The following MGAT4C variants were observed in gnomAD, a reference collection of about 807,000 sequenced individuals.
The protein encoded by MGAT4C is MGAT4 family member C.
MGAT4C carries 19 observed loss-of-function variants against 40.1 expected under a neutral mutation model. That is an observed-to-expected ratio of 0.47 (90% CI 0.33 to 0.70). The LOEUF is 0.70. MGAT4C is among the 30% of genes least tolerant of loss of function. The pLI is 0.02. For synonymous variants in MGAT4C, 181 were observed against 187.1 expected, an observed-to-expected ratio of 0.97 and a Z score of 0.27; for missense variants, 491 against 563.2, an observed-to-expected ratio of 0.87 and a Z score of 1.30.
At chr12:86,224,516 C>A (rs796413829) in intron 1 of MGAT4C, among the ~76,000 whole-genome samples, 2 of 152,104 alleles carry the variant, frequency 1.3e-5, no homozygotes, top group Admixed American at 1.3e-4. Context: ...TTAATCAGCA[C>A]GTGTAGCATT....
chr12:86,533,971 A>G (rs1462860719), intron 2 of MGAT4C, among the ~76,000 whole-genome samples: 1 of 152,124 alleles, frequency 6.6e-6, no homozygotes, highest in Non-Finnish European at 1.5e-5. Context: ...CTTGAATAGT[A>G]TCTCATGACA....
chr12:86,074,404 C>A (rs1869252870), intron 1 of MGAT4C, among the ~76,000 whole-genome samples: 1 of 151,976 alleles, frequency 6.6e-6, no homozygotes, highest in Non-Finnish European at 1.5e-5. Context: ...CTCTAGAGAA[C>A]CCTGACTAAT....
At chr12:86,720,680 G>A (rs1213993525) in intron 2 of MGAT4C, among the ~76,000 whole-genome samples, 1 of 152,088 alleles carries the variant, frequency 6.6e-6, no homozygotes, top group East Asian at 1.9e-4. Context: ...TACAGGACAT[G>A]ATTTACGACC....
At chr12:86,621,488 G>A (rs1056021361) in intron 2 of MGAT4C, among the ~76,000 whole-genome samples, 1 of 152,044 alleles carries the variant, frequency 6.6e-6, no homozygotes, top group Non-Finnish European at 1.5e-5. Context: ...TGGCTGGTTG[G>A]TTGGTTTTGA....
At chr12:86,356,768 TG>T (rs1955322460) in intron 3 of MGAT4C, among the ~76,000 whole-genome samples, 1 of 85,438 alleles carries the variant, frequency 1.2e-5, no homozygotes, top group Non-Finnish European at 2.9e-5. Flanking sequence ...GCAGTGAGGC[TG>T]GGGGAGAGGG....
chr12:86,420,424 G>T (rs1301077197), intron 3 of MGAT4C, among the ~76,000 whole-genome samples: 1 of 151,982 alleles, frequency 6.6e-6, no homozygotes, highest in Non-Finnish European at 1.5e-5. Context: ...TTTTACAAGT[G>T]TTTACTGTTT....
intron 1 of MGAT4C, among the ~76,000 whole-genome samples, chr12:86,789,345 T>C (rs1290766627): frequency 6.6e-6 from 1 of 152,074 alleles, no homozygotes; most frequent in Non-Finnish European, 1.5e-5. Flanking sequence ...GCAAACCCGA[T>C]CTATATTTGC....
chr12:86,806,898 C>T (rs1952366711), intron 1 of MGAT4C, among the ~76,000 whole-genome samples: 1 of 151,716 alleles, frequency 6.6e-6, no homozygotes, highest in Non-Finnish European at 1.5e-5. Flanking sequence ...AGAGATATAC[C>T]TAATGTGAAT....
intron 2 of MGAT4C, among the ~76,000 whole-genome samples, chr12:86,669,516 C>T (rs751397384): frequency 5.9e-5 from 9 of 151,540 alleles, no homozygotes; most frequent in Non-Finnish European, 1.3e-4. Context: ...TTTAGGCTGT[C>T]CCCCATCCCC....
intron 2 of MGAT4C, among the ~76,000 whole-genome samples, chr12:86,607,523 A>G (rs976709561): frequency 6.6e-6 from 1 of 152,166 alleles, no homozygotes; most frequent in Admixed American, 6.6e-5. Flanking sequence ...AACATGAGAC[A>G]TTATTCTCCA....
chr12:86,477,518 G>A (rs1957857644), intron 2 of MGAT4C, among the ~76,000 whole-genome samples: 2 of 151,990 alleles, frequency 1.3e-5, no homozygotes, highest in South Asian at 2.1e-4. Flanking sequence ...GGTAACAAAC[G>A]TGCACATGTA....
At chr12:86,512,977 T>C (rs1338535838) in intron 2 of MGAT4C, among the ~76,000 whole-genome samples, 1 of 152,146 alleles carries the variant, frequency 6.6e-6, no homozygotes, top group African/African-American at 2.4e-5. Flanking sequence ...TTGAGTTAGC[T>C]GACTGGGAAT....
chr12:86,263,304 G>T (rs1053408451), intron 4 of MGAT4C, among the ~76,000 whole-genome samples: 7 of 152,088 alleles, frequency 4.6e-5, no homozygotes, highest in Admixed American at 4.6e-4. Context: ...TACCCATTCA[G>T]TAATTTCTCT....
At chr12:86,809,934 A>G (rs1952439579) in intron 1 of MGAT4C, among the ~76,000 whole-genome samples, 1 of 152,036 alleles carries the variant, frequency 6.6e-6, no homozygotes, top group African/African-American at 2.4e-5. Flanking sequence ...AATTGCATTA[A>G]ACAGCTTTAG....
At chr12:86,498,548 A>T (rs1470232322) in intron 2 of MGAT4C, among the ~76,000 whole-genome samples, 1 of 151,968 alleles carries the variant, frequency 6.6e-6, no homozygotes, top group Non-Finnish European at 1.5e-5. Flanking sequence ...TTACACAAAC[A>T]TTTACAGACC....
At position 86,135,560 on chromosome 12, in the gene MGAT4C, C is replaced by T. The variant is rs377535223; in HGVS notation, c.-56-85837G>A. ...AGTAAGGGGGGGCAGACAAGATAAACGCTGGGAAGATAAAAGGATAGTTAT... is the reference window on the plus strand; with the variant it reads ...AGTAAGGGGGGGCAGACAAGATAAATGCTGGGAAGATAAAAGGATAGTTAT... On this transcript the variant is annotated intron_variant, in intron 1 of 4. Transcript: ENST00000611864. Among the ~76,000 whole-genome samples the T allele has an allele frequency of 6.4e-4, 97 of 152,152 alleles. No individual in the cohort carries two copies. The South Asian group carries it at 0.017, about 27-fold the overall frequency.
intron 1 of MGAT4C, among the ~76,000 whole-genome samples, chr12:86,209,337 A>G (rs1176758776): frequency 6.6e-6 from 1 of 152,126 alleles, no homozygotes; most frequent in Non-Finnish European, 1.5e-5. Context: ...AACAAAGATA[A>G]TTCTATTTTT....
intron 1 of MGAT4C, among the ~76,000 whole-genome samples, chr12:86,050,664 A>ATT (rs550315745): frequency 2.5e-3 from 386 of 152,050 alleles, no homozygotes; most frequent in Admixed American, 4.5e-3. Flanking sequence ...CTCCATCAGC[A>ATT]TTTCTCTCTC....
At chr12:86,549,579 C>T (rs947193123) in intron 2 of MGAT4C, among the ~76,000 whole-genome samples, 14 of 152,148 alleles carry the variant, frequency 9.2e-5, no homozygotes, top group African/African-American at 3.1e-4. Context: ...CATCCCCAAA[C>T]ATTTTAATAA....
Sources: allele counts gnomAD v4.1 joint callset (sites outside exome capture counted in the v4.1 genomes callset), GRCh38; gene constraint gnomAD v4.1.1; transcripts MANE v1.5; gene names NCBI Gene and HGNC (gene_info 2026-07-23, HGNC 2026-07-21).